BICC1: variants seen among roughly 807,000 people sequenced by gnomAD.
BICC1 encodes protein bicaudal C homolog 1.
A neutral mutation model predicts 111.0 loss-of-function variants in BICC1; 43 were observed. That is an observed-to-expected ratio of 0.39 (90% CI 0.30 to 0.50). The LOEUF is 0.50. Among genes scored for constraint, BICC1 ranks in the 20% least tolerant of loss-of-function variants. The pLI, the probability that BICC1 is intolerant of heterozygous loss-of-function variation, is 0.88. For missense variants in BICC1, 1,091 were observed against 1,203.2 expected (o/e 0.91, Z 1.38); for synonymous variants, 467 against 434.4 (o/e 1.07, Z -0.93).
At chr10:58,617,702 C>T (rs1845664231) in intron 1 of BICC1, among the ~76,000 whole-genome samples, 1 of 152,238 alleles carries the variant, frequency 6.6e-6, no homozygotes, top group African/African-American at 2.4e-5. Flanking sequence ...GACAGCTTGG[C>T]AGTTTATTGA....
chr10:58,565,557 C>T (rs374377619), intron 1 of BICC1, among the ~76,000 whole-genome samples: 1 of 152,164 alleles, frequency 6.6e-6, no homozygotes, highest in African/African-American at 2.4e-5. Flanking sequence ...CCCTTGCCCC[C>T]CCGATGTATG....
intron 3 of BICC1, among the ~76,000 whole-genome samples, chr10:58,733,421 G>T (rs1841377996): frequency 6.6e-6 from 1 of 152,170 alleles, no homozygotes; most frequent in African/African-American, 2.4e-5. Flanking sequence ...CCTTACTTGG[G>T]TATACTTAGC....
At chr10:58,639,784 C>G (rs1291419673) in intron 2 of BICC1, among the ~76,000 whole-genome samples, 1 of 135,654 alleles carries the variant, frequency 7.4e-6, no homozygotes, top group East Asian at 2.2e-4. Flanking sequence ...TACATCTTGG[C>G]TCAATGAAGC....
At chr10:58,703,866 A>C (rs1840312225) in intron 3 of BICC1, among the ~76,000 whole-genome samples, 1 of 152,216 alleles carries the variant, frequency 6.6e-6, no homozygotes, top group Non-Finnish European at 1.5e-5. Context: ...AAAATCCCCA[A>C]GGAAACATGA....
At chr10:58,674,896 G>A (rs1209819345) in intron 2 of BICC1, among the ~76,000 whole-genome samples, 4 of 152,186 alleles carry the variant, frequency 2.6e-5, no homozygotes, top group Non-Finnish European at 4.4e-5. Context: ...GTTATGGATA[G>A]TCTTAAATGT....
chr10:58,668,214 T>C (rs1315228593), intron 2 of BICC1, among the ~76,000 whole-genome samples: 3 of 152,120 alleles, frequency 2.0e-5, no homozygotes, highest in Non-Finnish European at 4.4e-5. Context: ...TGATTTCAGT[T>C]GGTGCATTAT....
chr10:58,743,141 A>G (rs1841723030), intron 3 of BICC1, among the ~76,000 whole-genome samples: 1 of 152,166 alleles, frequency 6.6e-6, no homozygotes, highest in Non-Finnish European at 1.5e-5. Context: ...GGAAAGTCAG[A>G]TATTTAGCTT....
At chr10:58,599,614 C>A (rs565246101) in intron 1 of BICC1, among the ~76,000 whole-genome samples, 1 of 152,166 alleles carries the variant, frequency 6.6e-6, no homozygotes, top group East Asian at 1.9e-4. Context: ...CAAAACTGCA[C>A]GTTCTGCACA....
intron 3 of BICC1, among the ~76,000 whole-genome samples, chr10:58,762,238 C>T (rs1328814827): frequency 1.3e-5 from 2 of 151,892 alleles, no homozygotes; most frequent in Non-Finnish European, 2.9e-5. Context: ...AACAGAAAAT[C>T]GAAAGCTATG....
intron 2 of BICC1, among the ~76,000 whole-genome samples, chr10:58,676,778 C>T (rs752041044): frequency 3.3e-5 from 5 of 152,172 alleles, no homozygotes; most frequent in Non-Finnish European, 7.4e-5. Context: ...CAGGGGTCGA[C>T]AGAAAACTCA....
At chr10:58,761,608 T>C (rs1589112930) in intron 3 of BICC1, among the ~76,000 whole-genome samples, 1 of 152,208 alleles carries the variant, frequency 6.6e-6, no homozygotes, top group East Asian at 1.9e-4. Flanking sequence ...TGACAAGGAG[T>C]TGCGTCCCTG....
chr10:58,578,958 C>G (rs1382620323), intron 1 of BICC1, among the ~76,000 whole-genome samples: 3 of 152,152 alleles, frequency 2.0e-5, no homozygotes, highest in East Asian at 3.9e-4. Context: ...AGTGAATGGC[C>G]AGGAAGTGGC....
At chr10:58,758,222 A>G (rs1225983775) in intron 3 of BICC1, among the ~76,000 whole-genome samples, 1 of 152,206 alleles carries the variant, frequency 6.6e-6, no homozygotes, top group Admixed American at 6.5e-5. Context: ...CACTTACAGA[A>G]TATAATCCAT....
At chr10:58,599,253 A>G (rs1220724096) in intron 1 of BICC1, among the ~76,000 whole-genome samples, 1 of 152,208 alleles carries the variant, frequency 6.6e-6, no homozygotes, top group Non-Finnish European at 1.5e-5. Context: ...ACCAACCCAA[A>G]TGTACCTCAA....
intron 3 of BICC1, among the ~76,000 whole-genome samples, chr10:58,754,897 C>T (rs1277447187): frequency 6.6e-6 from 1 of 152,058 alleles, no homozygotes; most frequent in Non-Finnish European, 1.5e-5. Context: ...TCCTTAATGC[C>T]ATTGGTCCTT....
Position 58,798,937 on chromosome 10 carries a change from T to C in BICC1, c.1529-119T>C, listed in dbSNP as rs1385977178. On this transcript the variant is annotated intron_variant, in intron 11 of 20. Coordinates refer to ENST00000373886, the MANE Select transcript of BICC1 (RefSeq NM_001080512.3). ...AATAGTACCTCTGTTTACAGAGGTG[T>C]CAAAATTGAATTCTTTTCTGAACTT... The C allele has an allele frequency of 3.9e-6, 3 of 775,608 alleles. No individual in the cohort carries two copies. The African/African-American group carries it at 5.3e-5, about 14-fold the overall frequency. 48.0% of individuals were successfully genotyped at this position (775,608 alleles called of 1,614,324 possible).
At position 58,803,231 on chromosome 10, in the gene BICC1, G is replaced by A. The variant is rs759283457; in HGVS notation, c.2170G>A (p.Val724Ile). ...CCACCTTGCTCCACGGTCATCATAT[G>A]TCAACATGCAGGTAATGGTAATAAA... ...RAHLAPRSSY[V>I]NMQAFDYEQK... Residue 724 changes from valine (V) to isoleucine (I), a missense_variant, in exon 15 of 21, where the codon GTC (valine) becomes ATC (isoleucine). By Grantham distance (29) the Val-to-Ile change is conservative. Coordinates refer to ENST00000373886, the MANE Select transcript of BICC1 (RefSeq NM_001080512.3). 6.3e-7 allele frequency: 1 copy of A among 1,598,600 alleles called. No individual in the cohort carries two copies. The highest frequency in any genetic ancestry group is 2.3e-5 in the East Asian group (1 of 44,414).
intron 1 of BICC1, among the ~76,000 whole-genome samples, chr10:58,575,629 G>T (rs7912116): frequency 1.3e-5 from 2 of 151,582 alleles, no homozygotes; most frequent in Admixed American, 6.6e-5. Context: ...CGCTATGTTG[G>T]GTAGGCTCTC....
chr10:58,775,017 G>A (rs1020475144), intron 3 of BICC1, among the ~76,000 whole-genome samples: 1 of 152,078 alleles, frequency 6.6e-6, no homozygotes, highest in Non-Finnish European at 1.5e-5. Context: ...TGCAATTTTT[G>A]ATGCCTTCTT....
Sources: allele counts gnomAD v4.1 joint callset (sites outside exome capture counted in the v4.1 genomes callset), GRCh38; gene constraint gnomAD v4.1.1; transcripts MANE v1.5; gene names NCBI Gene and HGNC (gene_info 2026-07-23, HGNC 2026-07-21).